The following RGS6 variants were observed in gnomAD, a reference collection of about 807,000 sequenced individuals.
RGS6 encodes the protein regulator of G protein signaling 6, also known as regulator of G-protein signaling 6.
A neutral mutation model predicts 78.5 loss-of-function variants in RGS6; 30 were observed. The observed-to-expected ratio is 0.38, with a 90% CI of 0.29 to 0.52. The LOEUF is 0.52. RGS6 is among the 20% of genes least tolerant of loss of function. RGS6 has a pLI of 0.85. For missense variants in RGS6, 495 were observed against 609.7 expected (o/e 0.81, Z 1.98); for synonymous variants, 206 against 206.0 (o/e 1.00, Z 0.00).
chr14:71,909,935 GCTCCCACTTT>G, the RGS6 span, among the ~76,000 whole-genome samples: 1 of 152,112 alleles, frequency 6.6e-6, no homozygotes, highest in Non-Finnish European at 1.5e-5. Flanking sequence ...TGCCTGTAAT[GCTCCCACTTT>G]GGGAGGCCGA....
At chr14:72,521,804 C>A (rs2097046681) in intron 15 of RGS6, among the ~76,000 whole-genome samples, 2 of 152,084 alleles carry the variant, frequency 1.3e-5, no homozygotes, top group Admixed American at 1.3e-4. Flanking sequence ...TACAATGGAG[C>A]CTACACATAG....
At chr14:72,086,607 G>C (rs552695457) in intron 2 of RGS6, among the ~76,000 whole-genome samples, 4 of 152,172 alleles carry the variant, frequency 2.6e-5, no homozygotes, top group African/African-American at 7.2e-5. Flanking sequence ...TAACTGATTT[G>C]AGCCATGTTT....
At chr14:72,497,836 C>G (rs899960765) in intron 13 of RGS6, among the ~76,000 whole-genome samples, 1 of 143,392 alleles carries the variant, frequency 7.0e-6, no homozygotes, top group East Asian at 2.0e-4. Context: ...TTTTTTTTCT[C>G]TTTTTTAAAA....
chr14:72,314,109 G>A (rs847357), intron 2 of RGS6, among the ~76,000 whole-genome samples: 97,350 of 152,072 alleles, frequency 0.64, 32,875 homozygotes, highest in African/African-American at 0.87. Flanking sequence ...TAGAGTAACC[G>A]TCCATAGTTA....
At chr14:71,989,290 C>T (rs553713168) in intron 2 of RGS6, among the ~76,000 whole-genome samples, 5 of 152,346 alleles carry the variant, frequency 3.3e-5, no homozygotes, top group Non-Finnish European at 5.9e-5. Flanking sequence ...CAGGCTGTCT[C>T]TTCTTCACAG....
rs6574061 is a variant in RGS6 at position 72,275,948 on chromosome 14, C to T, written c.85-76147C>T. ...GCACAAGGGGAAAACTTCTCTCCAA[C>T]GTCTAGACCTCTCTATCCCATGAGA... On this transcript the variant is annotated intron_variant, in intron 2 of 17. Transcript: ENST00000553525. 5.3e-5 allele frequency among the ~76,000 whole-genome samples: 8 copies of T among 151,966 alleles called. 1 individual carries two copies. Among genetic ancestry groups the T allele is most frequent in the South Asian group, 2.1e-4 (1 of 4,816 alleles).
At position 72,462,547 on chromosome 14, in the gene RGS6, G is replaced by A. The variant is rs376224017; in HGVS notation, c.394+2864G>A. Among the ~76,000 whole-genome samples, 70 of 152,314 alleles carry A rather than the reference G, an allele frequency of 4.6e-4. No homozygotes were observed. In the South Asian group the frequency reaches 8.1e-3, roughly 18 times the overall value. On this transcript the variant is annotated intron_variant, in intron 6 of 17. Coordinates refer to ENST00000553525, the MANE Select transcript of RGS6 (RefSeq NM_001204424.2). ...AAGATTAAGTAAGGGCTGTGACTTA[G>A]TCAAATAGTTCCTGATATTCAGTGG...
chr14:71,987,063 CAT>C (rs925529148), intron 2 of RGS6, among the ~76,000 whole-genome samples: 1 of 152,170 alleles, frequency 6.6e-6, no homozygotes, highest in Non-Finnish European at 1.5e-5. Context: ...AGTCAAATAA[CAT>C]ATTTATAGGT....
chr14:72,293,714 T>G (rs934589581), intron 2 of RGS6, among the ~76,000 whole-genome samples: 2 of 152,224 alleles, frequency 1.3e-5, no homozygotes, highest in Non-Finnish European at 2.9e-5. Context: ...GTAGACTCAT[T>G]TCATTATTTT....
intron 2 of RGS6, among the ~76,000 whole-genome samples, chr14:72,172,870 T>C (rs2097045807): frequency 6.6e-6 from 1 of 152,166 alleles, no homozygotes; most frequent in Non-Finnish European, 1.5e-5. Flanking sequence ...TGACAAATAA[T>C]GTTGGCTGAG....
rs147042961 is a variant in RGS6, at chr14:72,539,589, G to T, written c.1369-452G>T. On this transcript the variant is annotated intron_variant, in intron 16 of 17. Transcript: ENST00000553525. ...CTTCCTGACGTCCCTCCCACACCCTGCTGGCTCTCAGAGCCAGTCTGTTCT... is the reference window on the plus strand; with the variant it reads ...CTTCCTGACGTCCCTCCCACACCCTTCTGGCTCTCAGAGCCAGTCTGTTCT... Among the ~76,000 whole-genome samples, 317 of 152,308 alleles carry T rather than the reference G, an allele frequency of 2.1e-3. 1 individual carries two copies. The highest frequency in any genetic ancestry group is 0.01 in the Middle Eastern group (3 of 294).
At position 72,555,471 on chromosome 14, in the gene RGS6, C is replaced by T. The variant is rs150447272; in HGVS notation, c.1423-6946C>T. 4.4e-3 allele frequency among the ~76,000 whole-genome samples: 669 copies of T among 152,348 alleles called. 5 individuals are homozygous for T. The highest frequency in any genetic ancestry group is 0.015 in the African/African-American group (620 of 41,580). On this transcript the variant is annotated intron_variant, in intron 17 of 17. Coordinates refer to ENST00000553525, the MANE Select transcript of RGS6 (RefSeq NM_001204424.2). ...AGAACCTGCCTGAGATAAGCTCAAG[C>T]ATGCTCAAGAACTTAAGTTCTTTTC...
the RGS6 span, among the ~76,000 whole-genome samples, chr14:72,625,301 T>C: frequency 6.6e-6 from 1 of 152,224 alleles, no homozygotes; most frequent in East Asian, 1.9e-4. Context: ...TTAGTATAGA[T>C]ATTTATTTTT....
At chr14:72,045,776 C>G (rs941308929) in intron 2 of RGS6, among the ~76,000 whole-genome samples, 1 of 151,788 alleles carries the variant, frequency 6.6e-6, no homozygotes, top group African/African-American at 2.4e-5. Context: ...AATGTCCTTC[C>G]CTCAGGTGGA....
At chr14:72,014,528 G>A (rs368675113) in intron 2 of RGS6, among the ~76,000 whole-genome samples, 1 of 152,208 alleles carries the variant, frequency 6.6e-6, no homozygotes, top group African/African-American at 2.4e-5. Context: ...GGTGGGTGAT[G>A]AGGGCAGAGA....
intron 2 of RGS6, among the ~76,000 whole-genome samples, chr14:72,351,325 A>G (rs2239230): frequency 0.53 from 80,026 of 152,052 alleles, 23,404 homozygotes; most frequent in African/African-American, 0.8. Context: ...TAAATTATTA[A>G]CTACAAATTG....
At chr14:72,485,873 A>G (rs909557206) in intron 12 of RGS6, among the ~76,000 whole-genome samples, 10 of 152,176 alleles carry the variant, frequency 6.6e-5, no homozygotes, top group African/African-American at 2.2e-4. Context: ...CATGACAGAC[A>G]TGTGTTAGGA....
chr14:72,310,782 A>T (rs1003354772), intron 2 of RGS6, among the ~76,000 whole-genome samples: 1 of 152,164 alleles, frequency 6.6e-6, no homozygotes, highest in Non-Finnish European at 1.5e-5. Context: ...TTCATAAGAC[A>T]CAGGCTGCTG....
intron 2 of RGS6, among the ~76,000 whole-genome samples, chr14:72,116,863 C>G (rs1230025549): frequency 6.8e-6 from 1 of 148,008 alleles, no homozygotes; most frequent in African/African-American, 2.5e-5. Flanking sequence ...ACTTGGGAGG[C>G]TGAGGCAGGA....
Sources: gnomAD v4.1 joint callset for allele counts (sites outside exome capture counted in the v4.1 genomes callset) on GRCh38, gnomAD v4.1.1 for gene constraint, MANE v1.5 for transcripts, NCBI Gene and HGNC (gene_info 2026-07-23, HGNC 2026-07-21) for gene names.